CNTN3: variants seen among roughly 807,000 people sequenced by gnomAD.
CNTN3 encodes the protein contactin 3.
CNTN3 carries 60 observed loss-of-function variants against 119.1 expected under a neutral mutation model. That is an observed-to-expected ratio of 0.50 (90% CI 0.41 to 0.62). The LOEUF (loss-of-function observed/expected upper bound fraction) is 0.62, where lower values mean the gene tolerates loss of function less well. Ranked by LOEUF, CNTN3 falls within the 20% of genes least tolerant of loss-of-function variation. CNTN3 has a pLI of 0.00. For synonymous variants in CNTN3, 450 were observed against 438.7 expected, an observed-to-expected ratio of 1.03 and a Z score of -0.32; for missense variants, 1,101 against 1,242.4, an observed-to-expected ratio of 0.89 and a Z score of 1.71.
At chr3:74,469,077 T>C (rs74898738) in intron 4 of CNTN3, among the ~76,000 whole-genome samples, 3,447 of 152,230 alleles carry the variant, frequency 0.023, 133 homozygotes, top group African/African-American at 0.077. Flanking sequence ...CAATTTAAAT[T>C]TGTTTCATAG....
chr3:74,403,944 C>T (rs985195640), intron 5 of CNTN3, among the ~76,000 whole-genome samples: 3 of 151,730 alleles, frequency 2.0e-5, no homozygotes, highest in African/African-American at 7.3e-5. Flanking sequence ...ATTTTCTACT[C>T]GCCCCCCTCC....
chr3:74,289,783 A>G (rs1012903073), intron 19 of CNTN3, among the ~76,000 whole-genome samples: 1 of 152,192 alleles, frequency 6.6e-6, no homozygotes, highest in African/African-American at 2.4e-5. Flanking sequence ...CAGTTATTCA[A>G]TCAACATATA....
chr3:74,424,778 T>C (rs1228954528), intron 5 of CNTN3, 67 bp downstream of exon 5: 9 of 1,259,994 alleles, frequency 7.1e-6, no homozygotes, highest in Non-Finnish European at 1.0e-5. Flanking sequence ...GCAATAACAG[T>C]ACATGCGCTG....
chr3:74,433,949 G>A (rs763177969), intron 4 of CNTN3, among the ~76,000 whole-genome samples: 7 of 152,120 alleles, frequency 4.6e-5, no homozygotes, highest in East Asian at 1.9e-4. Context: ...TCTCTAGACT[G>A]TCACATATTT....
chr3:74,331,969 G>T (rs1458874153), intron 13 of CNTN3, among the ~76,000 whole-genome samples: 1 of 152,142 alleles, frequency 6.6e-6, no homozygotes, highest in Non-Finnish European at 1.5e-5. Context: ...CAAATGAATG[G>T]CTGTTGACTA....
intron 10 of CNTN3, 135 bp from the exon 11 acceptor site, chr3:74,362,175 G>C (rs868177816): frequency 1.1e-5 from 9 of 830,564 alleles, no homozygotes; most frequent in Middle Eastern, 3.7e-4. Flanking sequence ...TTGGCTTATT[G>C]TGTGCCACAC....
intron 4 of CNTN3, among the ~76,000 whole-genome samples, chr3:74,465,667 C>T (rs1348153683): frequency 6.6e-6 from 1 of 152,182 alleles, no homozygotes; most frequent in Non-Finnish European, 1.5e-5. Flanking sequence ...TTTGCTTTTA[C>T]AGCATCCACC....
intron 4 of CNTN3, among the ~76,000 whole-genome samples, chr3:74,464,366 C>A (rs1019256234): frequency 2.5e-4 from 38 of 152,080 alleles, no homozygotes; most frequent in African/African-American, 8.5e-4. Flanking sequence ...GGTTATAGAA[C>A]CCAAGCTAAT....
chr3:74,477,325 T>A (rs1242306980), intron 4 of CNTN3, among the ~76,000 whole-genome samples: 1 of 152,146 alleles, frequency 6.6e-6, no homozygotes, highest in Non-Finnish European at 1.5e-5. Flanking sequence ...CAATACACTT[T>A]ACTAAAAAAT....
At chr3:74,328,868 T>A (rs1338755823) in intron 13 of CNTN3, among the ~76,000 whole-genome samples, 1 of 152,226 alleles carries the variant, frequency 6.6e-6, no homozygotes, top group Non-Finnish European at 1.5e-5. Flanking sequence ...TGTTCCCCAC[T>A]TTTGTGAATT....
intron 13 of CNTN3, among the ~76,000 whole-genome samples, chr3:74,303,561 C>T (rs372203795): frequency 2.6e-5 from 4 of 151,928 alleles, no homozygotes; most frequent in African/African-American, 4.8e-5. Context: ...GGTGTGGTGG[C>T]GTGCCCCTGT....
intron 4 of CNTN3, among the ~76,000 whole-genome samples, chr3:74,453,741 A>G (rs1160964623): frequency 6.6e-6 from 1 of 151,174 alleles, no homozygotes; most frequent in East Asian, 2.0e-4. Flanking sequence ...GTTTCAAAGA[A>G]CATCTTTATT....
intron 13 of CNTN3, among the ~76,000 whole-genome samples, chr3:74,305,851 T>A (rs1702552722): frequency 6.6e-6 from 1 of 151,644 alleles, no homozygotes; most frequent in South Asian, 2.1e-4. Context: ...CTTGGTAGAA[T>A]GCAATGCTTA....
At chr3:74,307,751 G>A (rs1359870966) in intron 13 of CNTN3, among the ~76,000 whole-genome samples, 1 of 152,066 alleles carries the variant, frequency 6.6e-6, no homozygotes, top group Non-Finnish European at 1.5e-5. Context: ...TCGGAATTAG[G>A]GGAACCTCTT....
At chr3:74,568,141 T>C (rs1479629516) in intron 1 of CNTN3, among the ~76,000 whole-genome samples, 1 of 148,750 alleles carries the variant, frequency 6.7e-6, no homozygotes, top group East Asian at 2.2e-4. Flanking sequence ...ACGCCTATGA[T>C]AACTTAAAAA....
chr3:74,287,840 A>G (rs1187072960), intron 19 of CNTN3, among the ~76,000 whole-genome samples: 1 of 152,152 alleles, frequency 6.6e-6, no homozygotes, highest in Non-Finnish European at 1.5e-5. Context: ...CCTAATAAAG[A>G]ATACAGCACC....
intron 13 of CNTN3, among the ~76,000 whole-genome samples, chr3:74,314,346 C>T (rs555581569): frequency 6.6e-6 from 1 of 152,134 alleles, no homozygotes; most frequent in Admixed American, 6.6e-5. Flanking sequence ...CTAAATGCAT[C>T]AATTAAAAGA....
chr3:74,509,670 A>G (rs1177232999), intron 2 of CNTN3, among the ~76,000 whole-genome samples: 1 of 152,142 alleles, frequency 6.6e-6, no homozygotes, highest in Non-Finnish European at 1.5e-5. Context: ...GGAGAGGATG[A>G]GTTAAACCGG....
intron 1 of CNTN3, among the ~76,000 whole-genome samples, chr3:74,582,458 T>C (rs1704527780): frequency 1.3e-5 from 2 of 151,192 alleles, no homozygotes; most frequent in African/African-American, 4.9e-5. Flanking sequence ...CTAGGAAAAA[T>C]ATTAGCAGTA....
Sources: gnomAD v4.1 joint callset for allele counts (sites outside exome capture counted in the v4.1 genomes callset) on GRCh38, gnomAD v4.1.1 for gene constraint, MANE v1.5 for transcripts, NCBI Gene and HGNC (gene_info 2026-07-23, HGNC 2026-07-21) for gene names.